GKAP1: variants seen among roughly 807,000 people sequenced by gnomAD.
GKAP1 encodes the protein G kinase-anchoring protein 1.
Under a neutral mutation model 56.7 loss-of-function variants are expected in GKAP1, and 31 were observed. The observed-to-expected ratio is 0.55, with a 90% CI of 0.41 to 0.74. The LOEUF (loss-of-function observed/expected upper bound fraction) is 0.74, where lower values mean the gene tolerates loss of function less well. Among genes scored for constraint, GKAP1 ranks in the 30% least tolerant of loss-of-function variants. The pLI, the probability that GKAP1 is intolerant of heterozygous loss-of-function variation, is 0.00. For missense variants in GKAP1, 364 were observed against 402.3 expected (o/e 0.90, Z 0.82); for synonymous variants, 151 against 138.6 (o/e 1.09, Z -0.63).
chr9:83,809,298 G>A (rs1944477621), intron 2 of GKAP1, among the ~76,000 whole-genome samples: 1 of 152,178 alleles, frequency 6.6e-6, no homozygotes, highest in Non-Finnish European at 1.5e-5. Flanking sequence ...GGGTAGCCAG[G>A]AAACCCCTGA....
At chr9:83,802,934 CCT>C (rs1409172601) in intron 3 of GKAP1, among the ~76,000 whole-genome samples, 8 of 151,892 alleles carry the variant, frequency 5.3e-5, no homozygotes, top group Admixed American at 4.6e-4. Flanking sequence ...ATGATGAAAC[CCT>C]GTCTCTACCA....
At chr9:83,799,422 T>C in intron 3 of GKAP1, 94 bp from the exon 4 acceptor site, 2 of 880,200 alleles carry the variant, frequency 2.3e-6, no homozygotes, top group South Asian at 1.6e-5. Context: ...GATATTTTTA[T>C]ACTTCTACTG....
At chr9:83,770,717 A>G (rs1266204531) in intron 7 of GKAP1, among the ~76,000 whole-genome samples, 1 of 151,970 alleles carries the variant, frequency 6.6e-6, no homozygotes, top group Non-Finnish European at 1.5e-5. Context: ...ATGTGCCACC[A>G]CGCCCAGGTA....
chr9:83,780,248 C>T, intron 7 of GKAP1, 134 bp downstream of exon 7: 1 of 546,158 alleles, frequency 1.8e-6, no homozygotes, highest in Admixed American at 3.4e-5. Flanking sequence ...AGAAACATGA[C>T]TGGGTTCACT....
chr9:83,782,660 CTTT>C (rs772629569), intron 6 of GKAP1, among the ~76,000 whole-genome samples: 6 of 117,442 alleles, frequency 5.1e-5, no homozygotes, highest in Non-Finnish European at 8.9e-5. Context: ...CGCGCCCAGC[CTTT>C]TTTTTTTTTT....
chr9:83,765,780 T>C (rs1943653134), intron 8 of GKAP1, among the ~76,000 whole-genome samples: 1 of 152,226 alleles, frequency 6.6e-6, no homozygotes. Context: ...AATGGGCGTA[T>C]TTACCCAATG....
intron 2 of GKAP1, among the ~76,000 whole-genome samples, chr9:83,810,815 G>A (rs535969558): frequency 3.9e-5 from 6 of 152,356 alleles, no homozygotes; most frequent in African/African-American, 1.2e-4. Context: ...ATGGGGATAC[G>A]TTGTGAGAAA....
chr9:83,805,283 A>G (rs531685031), intron 3 of GKAP1, among the ~76,000 whole-genome samples: 5,933 of 151,924 alleles, frequency 0.039, 238 homozygotes, highest in African/African-American at 0.1. Context: ...CTCGTTAAGA[A>G]TCATCACCAC....
intron 3 of GKAP1, among the ~76,000 whole-genome samples, chr9:83,803,678 G>A (rs1357696775): frequency 1.2e-4 from 18 of 150,538 alleles, no homozygotes; most frequent in African/African-American, 3.7e-4. Flanking sequence ...CCGCCACCCC[G>A]TCTGGGAAGT....
intron 8 of GKAP1, among the ~76,000 whole-genome samples, chr9:83,761,161 A>G (rs940041099): frequency 1.3e-5 from 2 of 151,884 alleles, no homozygotes; most frequent in African/African-American, 4.8e-5. Flanking sequence ...AACATCAAAA[A>G]AAGAAAAATT....
Position 83,806,435 on chromosome 9 carries a change from T to G in GKAP1, c.83A>C (p.Asp28Ala). 1 of 1,613,666 alleles carries G rather than the reference T, an allele frequency of 6.2e-7. No individual in the cohort carries two copies. Among genetic ancestry groups the G allele is most frequent in the Non-Finnish European group, 8.5e-7 (1 of 1,179,724 alleles). The change falls in exon 3 of 13, where the codon GAT becomes GCT. Residue 28 changes from aspartate (D) to alanine (A), a missense_variant. Coordinates refer to ENST00000376371, the MANE Select transcript of GKAP1 (RefSeq NM_025211.4). Reference protein sequence around the residue: ...LLQVDSGSGSDSEPGKGKGRN... With the variant: ...LLQVDSGSGSASEPGKGKGRN... ...ACCTTTACCTTTTCCAGGTTCAGAA[T>G]CAGAGCCACTGCCACTATCCACTTG...
chr9:83,765,400 G>A (rs116804790), intron 8 of GKAP1, among the ~76,000 whole-genome samples: 3,330 of 152,344 alleles, frequency 0.022, 135 homozygotes, highest in African/African-American at 0.076. Context: ...GTGTGGAAGG[G>A]AAATGTGGGG....
intron 8 of GKAP1, among the ~76,000 whole-genome samples, chr9:83,758,453 C>T (rs1030613013): frequency 6.6e-6 from 1 of 152,156 alleles, no homozygotes; most frequent in African/African-American, 2.4e-5. Context: ...TGAAACTAGG[C>T]TGGATACGGT....
chr9:83,768,105 G>C (rs1943694133), intron 8 of GKAP1, among the ~76,000 whole-genome samples: 1 of 152,138 alleles, frequency 6.6e-6, no homozygotes, highest in Non-Finnish European at 1.5e-5. Flanking sequence ...CTGTTGTAAA[G>C]GATAAAATTC....
At chr9:83,756,329 G>A (rs904976469) in intron 8 of GKAP1, among the ~76,000 whole-genome samples, 8 of 151,522 alleles carry the variant, frequency 5.3e-5, no homozygotes, top group African/African-American at 1.5e-4. Context: ...AAATTAGCTG[G>A]GTGTGGTGGC....
chr9:83,767,105 T>C (rs1307549194), intron 8 of GKAP1, among the ~76,000 whole-genome samples: 4 of 152,160 alleles, frequency 2.6e-5, no homozygotes, highest in East Asian at 1.9e-4. Context: ...AATGCAGACA[T>C]AGAGGTCTGA....
At chr9:83,794,202 G>C (rs936328993) in intron 4 of GKAP1, among the ~76,000 whole-genome samples, 4 of 152,180 alleles carry the variant, frequency 2.6e-5, no homozygotes, top group East Asian at 3.9e-4. Flanking sequence ...GAGAGAGAAA[G>C]AAACTTGGTG....
chr9:83,797,113 G>A (rs1587732585), intron 4 of GKAP1, among the ~76,000 whole-genome samples: 1 of 152,272 alleles, frequency 6.6e-6, no homozygotes, highest in African/African-American at 2.4e-5. Flanking sequence ...CTGTCCATCT[G>A]GTTAGGTGTT....
At chr9:83,803,235 T>C (rs1395184512) in intron 3 of GKAP1, among the ~76,000 whole-genome samples, 1 of 151,094 alleles carries the variant, frequency 6.6e-6, no homozygotes, top group African/African-American at 2.4e-5. Context: ...CCCTCTCCCC[T>C]CTCCCCTCTC....
Sources: allele counts gnomAD v4.1 joint callset (sites outside exome capture counted in the v4.1 genomes callset), GRCh38; gene constraint gnomAD v4.1.1; transcripts MANE v1.5; gene names NCBI Gene and HGNC (gene_info 2026-07-23, HGNC 2026-07-21).